The following NEGR1 variants were observed in gnomAD, a reference collection of about 807,000 sequenced individuals.
NEGR1 encodes the protein IgLON family member 4.
In NEGR1, 10 loss-of-function variants were observed where a neutral mutation model predicts 40.9. The ratio of observed to expected loss-of-function variants is 0.24; its 90% CI spans 0.15 to 0.42. The LOEUF is 0.42. NEGR1 is among the 10% of genes least tolerant of loss of function. NEGR1 has a pLI of 1.00. For synonymous variants in NEGR1, 185 were observed against 166.8 expected (o/e 1.11, Z -0.84); for missense variants, 352 against 438.9 (o/e 0.80, Z 1.77).
chr1:71,470,154 G>A (rs1221631905), intron 6 of NEGR1, among the ~76,000 whole-genome samples: 2 of 152,032 alleles, frequency 1.3e-5, no homozygotes, highest in African/African-American at 4.8e-5. Flanking sequence ...TTCTTCTGTA[G>A]GGTCTATATA....
chr1:71,656,782 G>T (rs1264023324), intron 4 of NEGR1, among the ~76,000 whole-genome samples: 1 of 152,196 alleles, frequency 6.6e-6, no homozygotes, highest in African/African-American at 2.4e-5. Context: ...ATAAAAGAGA[G>T]AATTTGGTGT....
chr1:72,269,150 A>G (rs1655758077), intron 1 of NEGR1, among the ~76,000 whole-genome samples: 2 of 151,718 alleles, frequency 1.3e-5, no homozygotes, highest in African/African-American at 4.8e-5. Context: ...AACATATCTA[A>G]TATGTTTGAT....
chr1:71,946,463 C>T (rs78075300), intron 1 of NEGR1, among the ~76,000 whole-genome samples: 18,321 of 151,868 alleles, frequency 0.12, 1,161 homozygotes, highest in South Asian at 0.18. Flanking sequence ...AAAATAAAAC[C>T]GTAAGTTCTC....
intron 1 of NEGR1, among the ~76,000 whole-genome samples, chr1:71,963,762 C>T (rs1429511207): frequency 6.6e-6 from 1 of 152,080 alleles, no homozygotes; most frequent in Non-Finnish European, 1.5e-5. Flanking sequence ...CAAAGATAAT[C>T]CCATTGATTA....
intron 3 of NEGR1, among the ~76,000 whole-genome samples, chr1:71,736,389 C>A (rs1655042072): frequency 6.6e-6 from 1 of 152,074 alleles, no homozygotes; most frequent in Admixed American, 6.6e-5. Flanking sequence ...AAAATGTAAG[C>A]AGCACCTTTG....
intron 1 of NEGR1, among the ~76,000 whole-genome samples, chr1:72,201,090 A>G (rs1653188568): frequency 6.6e-6 from 1 of 151,740 alleles, no homozygotes; most frequent in South Asian, 2.1e-4. Context: ...TTTACTCCAA[A>G]GGATTGGAAA....
At chr1:71,431,996 A>C (rs1646472319) in intron 6 of NEGR1, among the ~76,000 whole-genome samples, 1 of 152,200 alleles carries the variant, frequency 6.6e-6, no homozygotes, top group Non-Finnish European at 1.5e-5. Context: ...AGCAACAATG[A>C]AACCAGAATG....
chr1:72,152,319 T>C (rs1651155871), intron 1 of NEGR1, among the ~76,000 whole-genome samples: 2 of 151,878 alleles, frequency 1.3e-5, no homozygotes, highest in African/African-American at 4.8e-5. Context: ...ATAACAAAAA[T>C]ACTACACATA....
intron 1 of NEGR1, among the ~76,000 whole-genome samples, chr1:72,168,674 G>A (rs1651854797): frequency 6.6e-6 from 1 of 152,108 alleles, no homozygotes; most frequent in African/African-American, 2.4e-5. Context: ...CAGATCGCTT[G>A]AGCCCAGGTG....
chr1:72,125,092 T>C lies in NEGR1; in HGVS notation c.176+157227A>G, dbSNP rs1055048328. Among the ~76,000 whole-genome samples, 9 of 152,046 alleles carry C rather than the reference T, an allele frequency of 5.9e-5. No individual in the cohort carries two copies. The East Asian group carries it at 1.7e-3, about 29-fold the overall frequency. The stretch of plus-strand genomic sequence containing the variant: ...CAGTAAAGAATTAGGTTGTAAAGAG[T>C]GACATCTAGGAAAACATGAAAGTTA... On this transcript the variant is annotated intron_variant, in intron 1 of 6. Transcript: ENST00000357731.
intron 6 of NEGR1, among the ~76,000 whole-genome samples, chr1:71,490,831 G>A (rs1049937673): frequency 2.0e-5 from 3 of 152,038 alleles, no homozygotes; most frequent in African/African-American, 7.2e-5. Flanking sequence ...TGAAACACTG[G>A]ACAGAACTGG....
chr1:72,209,728 T>C (rs535219079), intron 1 of NEGR1, among the ~76,000 whole-genome samples: 2 of 151,976 alleles, frequency 1.3e-5, no homozygotes, highest in Admixed American at 6.6e-5. Flanking sequence ...ATTGAATTCA[T>C]AGACTCTGGA....
At chr1:72,190,278 A>T (rs1652772627) in intron 1 of NEGR1, among the ~76,000 whole-genome samples, 1 of 151,572 alleles carries the variant, frequency 6.6e-6, no homozygotes, top group Admixed American at 6.6e-5. Context: ...TTGTATTTGT[A>T]TGTGTGTGTA....
intron 3 of NEGR1, among the ~76,000 whole-genome samples, chr1:71,717,653 C>T (rs962430269): frequency 6.6e-6 from 1 of 152,172 alleles, no homozygotes; most frequent in African/African-American, 2.4e-5. Context: ...AGTAACAATG[C>T]TTTAGATGCT....
chr1:72,263,853 GA>G (rs987593531), intron 1 of NEGR1, among the ~76,000 whole-genome samples: 1 of 151,408 alleles, frequency 6.6e-6, no homozygotes, highest in African/African-American at 2.4e-5. Context: ...TATGTGGTGG[GA>G]AAAGATTAAT....
Position 71,555,697 on chromosome 1 carries a change from G to T in NEGR1, c.940+37120C>A, listed in dbSNP as rs191143671. ...TAAGGTCAGCAAAGATCCACTGAAA[G>T]ATAATAAACACTCTCTAGTAAGACT... is the stretch of plus-strand genomic sequence containing the variant. On this transcript the variant is annotated intron_variant, in intron 6 of 6. Coordinates refer to ENST00000357731, the MANE Select transcript of NEGR1 (RefSeq NM_173808.3). Among the ~76,000 whole-genome samples, 406 of 151,662 alleles carry T rather than the reference G, an allele frequency of 2.7e-3. 3 individuals are homozygous for T. The highest frequency in any genetic ancestry group is 2.2e-3 in the Non-Finnish European group (147 of 67,706).
At chr1:71,837,606 T>G (rs1659085872) in intron 2 of NEGR1, among the ~76,000 whole-genome samples, 1 of 152,072 alleles carries the variant, frequency 6.6e-6, no homozygotes, top group South Asian at 2.1e-4. Flanking sequence ...AACTGGACCC[T>G]GATTGAACAT....
chr1:71,827,230 TA>T (rs1658661146), intron 2 of NEGR1, among the ~76,000 whole-genome samples: 1 of 151,566 alleles, frequency 6.6e-6, no homozygotes, highest in Admixed American at 6.6e-5. Context: ...GAGAGAAAAA[TA>T]AAAAGTCTTT....
chr1:71,996,695 C>T (rs544310883), intron 1 of NEGR1, among the ~76,000 whole-genome samples: 107 of 152,208 alleles, frequency 7.0e-4, no homozygotes, highest in African/African-American at 2.4e-3. Flanking sequence ...AATCTGTAAT[C>T]TTTCATGCCT....
Sources: gnomAD v4.1 joint callset for allele counts (sites outside exome capture counted in the v4.1 genomes callset) on GRCh38, gnomAD v4.1.1 for gene constraint, MANE v1.5 for transcripts, NCBI Gene and HGNC (gene_info 2026-07-23, HGNC 2026-07-21) for gene names.